COMMD10: variants seen among roughly 807,000 people sequenced by gnomAD.
COMMD10 encodes COMM domain-containing protein 10.
Under a neutral mutation model 28.9 loss-of-function variants are expected in COMMD10, and 33 were observed. The ratio of observed to expected loss-of-function variants is 1.14; its 90% confidence interval spans 0.87 to 1.53. COMMD10 has a LOEUF of 1.53. Ranked by LOEUF, COMMD10 falls within the 40% of genes most tolerant of loss-of-function variation. COMMD10 has a pLI of 0.00. For missense variants in COMMD10, 310 were observed against 233.4 expected (o/e 1.33, Z -2.14); for synonymous variants, 110 against 81.7 (o/e 1.35, Z -1.87).
intron 4 of COMMD10, among the ~76,000 whole-genome samples, chr5:116,094,533 G>A (rs1198758500): frequency 2.0e-5 from 3 of 152,176 alleles, no homozygotes; most frequent in Admixed American, 6.5e-5. Flanking sequence ...ATGCAGGTGA[G>A]GATGTGGAGA....
intron 4 of COMMD10, among the ~76,000 whole-genome samples, chr5:116,107,156 C>T (rs532840885): frequency 7.6e-4 from 116 of 152,008 alleles, no homozygotes; most frequent in Admixed American, 1.2e-3. Context: ...TTATGTGTCT[C>T]GGGGTTGCTC....
intron 5 of COMMD10, among the ~76,000 whole-genome samples, chr5:116,165,173 G>C (rs1230613804): frequency 6.6e-6 from 1 of 152,184 alleles, no homozygotes; most frequent in Non-Finnish European, 1.5e-5. Context: ...ATTAAAATGA[G>C]AAAAGTCTGA....
intron 5 of COMMD10, among the ~76,000 whole-genome samples, chr5:116,166,728 T>G (rs1399781999): frequency 1.3e-5 from 2 of 151,914 alleles, no homozygotes; most frequent in Non-Finnish European, 2.9e-5. Context: ...TCCAGCAAAC[T>G]CCAGCAGACT....
chr5:116,184,355 A>T (rs1748072606), intron 5 of COMMD10, among the ~76,000 whole-genome samples: 1 of 146,762 alleles, frequency 6.8e-6, no homozygotes. Flanking sequence ...AATCAGCTTT[A>T]CTCTACAATA....
At chr5:116,142,727 A>G (rs1752232854) in intron 5 of COMMD10, among the ~76,000 whole-genome samples, 1 of 151,706 alleles carries the variant, frequency 6.6e-6, no homozygotes, top group African/African-American at 2.4e-5. Context: ...AAACTTTTGT[A>G]TTACTTTAGT....
At chr5:116,126,603 C>T (rs1365354243) in intron 4 of COMMD10, among the ~76,000 whole-genome samples, 1 of 149,396 alleles carries the variant, frequency 6.7e-6, no homozygotes, top group Non-Finnish European at 1.5e-5. Context: ...CAGAGTACAG[C>T]CCTTGGAAAT....
intron 5 of COMMD10, among the ~76,000 whole-genome samples, chr5:116,288,898 T>C (rs942703045): frequency 1.3e-4 from 17 of 134,906 alleles, no homozygotes; most frequent in Non-Finnish European, 2.4e-4. Context: ...TTTTTTTTTT[T>C]TGTGAGACAG....
In COMMD10 at chr5:116,110,110, C is replaced by T. The variant is rs542725239; in HGVS notation, c.399+17410C>T. Among the ~76,000 whole-genome samples, 17 of 152,264 alleles carry T rather than the reference C, an allele frequency of 1.1e-4. No homozygotes were observed. In the East Asian group the frequency reaches 3.1e-3, roughly 28 times the overall value. ...TACTGCATTTTATCAAATGCTATTT[C>T]TCAGTCTATTGGTTTGATCATAAAG... On this transcript the variant is annotated intron_variant, in intron 4 of 6. Coordinates refer to ENST00000274458, the MANE Select transcript of COMMD10 (RefSeq NM_016144.4).
intron 4 of COMMD10, among the ~76,000 whole-genome samples, chr5:116,109,783 T>A (rs896753299): frequency 6.6e-6 from 1 of 152,192 alleles, no homozygotes; most frequent in Non-Finnish European, 1.5e-5. Flanking sequence ...TTTTCATGAA[T>A]CTTTAGGTTT....
intron 5 of COMMD10, among the ~76,000 whole-genome samples, chr5:116,148,197 A>C (rs1275360324): frequency 6.6e-6 from 1 of 151,878 alleles, no homozygotes; most frequent in African/African-American, 2.4e-5. Context: ...GTAATTGCTA[A>C]AATATTAGAT....
intron 5 of COMMD10, among the ~76,000 whole-genome samples, chr5:116,269,281 A>AG (rs1311231679): frequency 1.3e-5 from 2 of 151,798 alleles, no homozygotes; most frequent in Non-Finnish European, 2.9e-5. Flanking sequence ...GTATTTCTAG[A>AG]GGAAAGATTT....
At chr5:116,221,148 G>T (rs1287719314) in intron 5 of COMMD10, among the ~76,000 whole-genome samples, 2 of 148,062 alleles carry the variant, frequency 1.4e-5, no homozygotes, top group African/African-American at 5.0e-5. Context: ...TTCAGGTCCT[G>T]CATACCAGTG....
chr5:116,257,093 T>TA (rs1367193065), intron 5 of COMMD10, among the ~76,000 whole-genome samples: 1 of 151,698 alleles, frequency 6.6e-6, no homozygotes, highest in Admixed American at 6.6e-5. Flanking sequence ...TAAGAAGAAA[T>TA]ATTGGAAACA....
chr5:116,119,252 G>T (rs1751342710), intron 4 of COMMD10, among the ~76,000 whole-genome samples: 1 of 152,196 alleles, frequency 6.6e-6, no homozygotes, highest in Non-Finnish European at 1.5e-5. Context: ...CTAACAGTGA[G>T]ACTAGGCCGA....
intron 5 of COMMD10, among the ~76,000 whole-genome samples, chr5:116,231,717 C>T (rs58889682): frequency 0.11 from 17,029 of 152,000 alleles, 1,380 homozygotes; most frequent in African/African-American, 0.22. Context: ...TTAAAATTCT[C>T]ATTATAAAGT....
At chr5:116,231,702 C>A (rs1375865879) in intron 5 of COMMD10, among the ~76,000 whole-genome samples, 1 of 152,016 alleles carries the variant, frequency 6.6e-6, no homozygotes, top group Non-Finnish European at 1.5e-5. Flanking sequence ...AATGCTTTTG[C>A]TCTTTTAAAA....
chr5:116,211,047 AAT>A (rs1397411276), intron 5 of COMMD10, among the ~76,000 whole-genome samples: 1 of 152,090 alleles, frequency 6.6e-6, no homozygotes, highest in African/African-American at 2.4e-5. Flanking sequence ...TAATAATTTA[AAT>A]ATTGCTAAAT....
chr5:116,260,943 T>A (rs545874024), intron 5 of COMMD10, among the ~76,000 whole-genome samples: 5 of 151,926 alleles, frequency 3.3e-5, no homozygotes, highest in African/African-American at 1.2e-4. Flanking sequence ...GTTCTCTTTG[T>A]GAATGTTGAA....
intron 5 of COMMD10, among the ~76,000 whole-genome samples, chr5:116,252,493 G>C (rs1288890622): frequency 1.9e-5 from 2 of 102,680 alleles, no homozygotes. Flanking sequence ...GTAAGGAAGG[G>C]ATCCAGTTTC....
Sources: gnomAD v4.1 joint callset for allele counts (sites outside exome capture counted in the v4.1 genomes callset) on GRCh38, gnomAD v4.1.1 for gene constraint, MANE v1.5 for transcripts, NCBI Gene and HGNC (gene_info 2026-07-23, HGNC 2026-07-21) for gene names.